Variants in CREB1 observed in about 807,000 individuals in gnomAD.
CREB1 encodes cyclic AMP-responsive element-binding protein 1.
In CREB1, 2 loss-of-function variants were observed where a neutral mutation model predicts 42.0. The ratio of observed to expected loss-of-function variants is 0.05; its 90% CI spans 0.02 to 0.15. The LOEUF (loss-of-function observed/expected upper bound fraction) is 0.15, where lower values mean the gene tolerates loss of function less well. Among genes scored for constraint, CREB1 ranks in the 10% least tolerant of loss-of-function variants. The pLI is 1.00. For synonymous variants in CREB1, 123 were observed against 139.9 expected (o/e 0.88, Z 0.85); for missense variants, 199 against 388.9 (o/e 0.51, Z 4.11).
intron 1 of CREB1, among the ~76,000 whole-genome samples, chr2:207,539,237 A>G (rs1289707425): frequency 1.4e-5 from 2 of 140,346 alleles, no homozygotes; most frequent in Non-Finnish European, 1.5e-5. Context: ...TATTTTTAGT[A>G]GAGACAGGAT....
At chr2:207,549,381 T>TA (rs956649300) in intron 1 of CREB1, among the ~76,000 whole-genome samples, 1 of 151,526 alleles carries the variant, frequency 6.6e-6, no homozygotes, top group Non-Finnish European at 1.5e-5. Context: ...AGGTTGGACA[T>TA]ATGGTAAAGA....
chr2:207,537,069 T>A lies in CREB1; in HGVS notation c.-9+6935T>A, dbSNP rs1044962715. 6.2e-4 allele frequency among the ~76,000 whole-genome samples: 94 copies of A among 152,078 alleles called. 4 individuals are homozygous for A. The highest frequency in any genetic ancestry group is 1.5e-5 in the Non-Finnish European group (1 of 68,018). Reference sequence around the variant, plus strand: ...ACAAAGTGCTTTGTTGTTGTTGTTGTTGTTGAGACGGAGTCTTTCTCTGTT... The same window carrying A: ...ACAAAGTGCTTTGTTGTTGTTGTTGATGTTGAGACGGAGTCTTTCTCTGTT... On this transcript the variant is annotated intron_variant, in intron 1 of 7. Transcript: ENST00000353267.
At chr2:207,536,060 G>A (rs2080858556) in intron 1 of CREB1, among the ~76,000 whole-genome samples, 1 of 151,996 alleles carries the variant, frequency 6.6e-6, no homozygotes, top group East Asian at 1.9e-4. Context: ...CCATCCACCT[G>A]CCTCAGCCTC....
intron 7 of CREB1, among the ~76,000 whole-genome samples, chr2:207,579,822 A>G (rs926445363): frequency 4.6e-5 from 7 of 152,088 alleles, no homozygotes; most frequent in African/African-American, 1.4e-4. Flanking sequence ...AAAAGGTACA[A>G]ATTCCCTCCC....
rs548539948 is a variant in CREB1, at chr2:207,567,813, TGTTAA to T, written c.362+251_362+255del. ...CTGTAGACTGTGCTGGCTGTCTTTC[TGTTAA>T]AAGTTTGGAATACAGTTGATAAGGT... is the stretch of plus-strand genomic sequence containing the variant. On this transcript the variant is annotated intron_variant, in intron 4 of 7. Transcript: ENST00000353267. 177 of 265,706 alleles carry T rather than the reference TGTTAA, an allele frequency of 6.7e-4. 1 individual carries two copies. Among genetic ancestry groups the T allele is most frequent in the African/African-American group, 2.9e-3 (130 of 45,406 alleles). The allele number at this position is 265,706 out of a possible 1,614,324, so 16.5% of individuals were successfully genotyped here. A position where few individuals can be genotyped will look rare whatever the true frequency, so the allele number is the denominator to read the frequency against.
At chr2:207,577,774 C>T in intron 7 of CREB1, 119 bp downstream of exon 7, 1 of 1,224,090 alleles carries the variant, frequency 8.2e-7, no homozygotes, top group Non-Finnish European at 1.2e-6. Context: ...TTTTTTCCAG[C>T]AGAATTAATG....
intron 1 of CREB1, among the ~76,000 whole-genome samples, chr2:207,531,320 G>A (rs2080618845): frequency 6.6e-6 from 1 of 152,072 alleles, no homozygotes; most frequent in Non-Finnish European, 1.5e-5. Context: ...TTTAATGAGA[G>A]ATTGATTTAA....
chr2:207,537,745 CTCTTG>C (rs2080932240), intron 1 of CREB1, among the ~76,000 whole-genome samples: 1 of 152,156 alleles, frequency 6.6e-6, no homozygotes, highest in Non-Finnish European at 1.5e-5. Flanking sequence ...TATATACACA[CTCTTG>C]TCTTATCTAC....
chr2:207,590,114 T>TA (rs1407164912), intron 7 of CREB1, among the ~76,000 whole-genome samples: 1 of 126,518 alleles, frequency 7.9e-6, no homozygotes, highest in Non-Finnish European at 1.6e-5. Context: ...TTTTAATAGA[T>TA]ACGGGATCAT....
At chr2:207,568,414 G>A (rs115796302) in intron 4 of CREB1, among the ~76,000 whole-genome samples, 2 of 151,966 alleles carry the variant, frequency 1.3e-5, no homozygotes, top group Non-Finnish European at 2.9e-5. Flanking sequence ...GCTAGTGTTA[G>A]ATTTTAACTT....
intron 6 of CREB1, chr2:207,577,224 G>T: frequency 8.9e-7 from 1 of 1,123,050 alleles, no homozygotes; most frequent in Non-Finnish European, 1.1e-6. Flanking sequence ...TTAGACTTAA[G>T]GTTGGTAAGC....
intron 7 of CREB1, among the ~76,000 whole-genome samples, chr2:207,587,629 C>T (rs1236223990): frequency 6.6e-6 from 1 of 152,120 alleles, no homozygotes; most frequent in Non-Finnish European, 1.5e-5. Context: ...AATGAAAATA[C>T]ATCATTTGTG....
chr2:207,530,946 A>G (rs937424292), intron 1 of CREB1, among the ~76,000 whole-genome samples: 3 of 148,678 alleles, frequency 2.0e-5, no homozygotes, highest in Non-Finnish European at 4.5e-5. Flanking sequence ...TTTGGGGGGA[A>G]TTTTTGACTC....
chr2:207,558,828 A>T (rs1240979916), intron 2 of CREB1, among the ~76,000 whole-genome samples: 1 of 151,976 alleles, frequency 6.6e-6, no homozygotes, highest in African/African-American at 2.4e-5. Context: ...TTTTTAGTAG[A>T]GATGGGGTTT....
At chr2:207,543,029 G>A (rs1284355106) in intron 1 of CREB1, among the ~76,000 whole-genome samples, 2 of 152,146 alleles carry the variant, frequency 1.3e-5, no homozygotes, top group Non-Finnish European at 1.5e-5. Flanking sequence ...CCAAATCCAC[G>A]GATGCTTGAG....
At chr2:207,584,648 C>T (rs1165610801) in intron 7 of CREB1, among the ~76,000 whole-genome samples, 1 of 152,166 alleles carries the variant, frequency 6.6e-6, no homozygotes, top group Non-Finnish European at 1.5e-5. Context: ...ATGATCCACC[C>T]ACCTCGGCCT....
At chr2:207,533,017 C>G (rs765862257) in intron 1 of CREB1, among the ~76,000 whole-genome samples, 2 of 151,872 alleles carry the variant, frequency 1.3e-5, no homozygotes, top group Non-Finnish European at 2.9e-5. Flanking sequence ...TCACCTGGAA[C>G]ATGTTACTAA....
chr2:207,593,659 C>T (rs1021137084), intron 7 of CREB1, among the ~76,000 whole-genome samples: 14 of 151,370 alleles, frequency 9.2e-5, no homozygotes, highest in African/African-American at 3.2e-4. Context: ...AACACATCTT[C>T]AACATGCTAG....
At chr2:207,554,462 C>G (rs2081637215) in intron 1 of CREB1, among the ~76,000 whole-genome samples, 1 of 152,146 alleles carries the variant, frequency 6.6e-6, no homozygotes, top group Non-Finnish European at 1.5e-5. Flanking sequence ...TAGTCCCTCA[C>G]TATTAACAAA....
Sources: gnomAD v4.1 joint callset for allele counts (sites outside exome capture counted in the v4.1 genomes callset) on GRCh38, gnomAD v4.1.1 for gene constraint, MANE v1.5 for transcripts, NCBI Gene and HGNC (gene_info 2026-07-23, HGNC 2026-07-21) for gene names.